Variants in TCF20 observed in about 807,000 individuals in gnomAD.
TCF20 encodes transcription factor 20.
In TCF20, 3 loss-of-function variants were observed where a neutral mutation model predicts 148.6. The ratio of observed to expected loss-of-function variants is 0.02; its 90% confidence interval spans 0.01 to 0.05. The LOEUF (loss-of-function observed/expected upper bound fraction) is 0.05, where lower values mean the gene tolerates loss of function less well. Ranked by LOEUF, TCF20 falls within the 10% of genes least tolerant of loss-of-function variation. TCF20 has a pLI of 1.00. For synonymous variants in TCF20, 1,049 were observed against 909.5 expected (o/e 1.15, Z -2.76); for missense variants, 2,350 against 2,429.3 (o/e 0.97, Z 0.69).
intron 1 of TCF20, among the ~76,000 whole-genome samples, chr22:42,332,754 C>T (rs566271725): frequency 1.5e-3 from 221 of 152,316 alleles, no homozygotes; most frequent in Middle Eastern, 3.4e-3. Context: ...AGGCATGAGC[C>T]ACCGTGCCCC....
chr22:42,272,761 T>C (rs1030702430), upstream of TCF20, among the ~76,000 whole-genome samples: 4 of 152,208 alleles, frequency 2.6e-5, no homozygotes, highest in African/African-American at 9.7e-5. Context: ...AAAAAGAACG[T>C]GTATGGGCAT....
chr22:42,251,891 G>A (rs1185017086), intron 1 of TCF20, among the ~76,000 whole-genome samples: 1 of 151,970 alleles, frequency 6.6e-6, no homozygotes, highest in Non-Finnish European at 1.5e-5. Context: ...TTCAGTATTT[G>A]GGATTATGGC....
In TCF20 at chr22:42,210,704, G is replaced by A; in HGVS notation, c.4602C>T (p.Phe1534=). 2 of 1,614,168 alleles carry A rather than the reference G, an allele frequency of 1.2e-6. No individual in the cohort carries two copies. Among genetic ancestry groups the A allele is most frequent in the Non-Finnish European group, 1.7e-6 (2 of 1,180,040 alleles). ...KQEGFPPKGY[F]PSGKKKGRPI... ...GTCTCCCCTTCTTCTTTCCTGATGGGAAATATCCCTTTGGAGGGAAACCCT... is the reference window on the plus strand; with the variant it reads ...GTCTCCCCTTCTTCTTTCCTGATGGAAAATATCCCTTTGGAGGGAAACCCT... The change falls in exon 2 of 6, where the codon TTC becomes TTT. Residue 1534 remains phenylalanine, a synonymous_variant. Transcript: ENST00000677622. The surrounding 1 kb of genome is among the most constrained non-coding windows in gnomAD (Gnocchi z 4.7).
chr22:42,263,822 C>T (rs1048036936), intron 1 of TCF20, among the ~76,000 whole-genome samples: 12 of 152,118 alleles, frequency 7.9e-5, no homozygotes, highest in African/African-American at 2.9e-4. Context: ...CTTCCTTTTT[C>T]CACTCAAGAG....
intron 1 of TCF20, among the ~76,000 whole-genome samples, chr22:42,242,208 A>AAAAAAAAAAAAAAAAAAAAAAG (rs1924479719): frequency 6.8e-6 from 1 of 146,888 alleles, no homozygotes; most frequent in Non-Finnish European, 1.5e-5. Flanking sequence ...GCCTCAAAAA[A>AAAAAAAAAAAAAAAAAAAAAAG]AAAAAAAAAA....
intron 1 of TCF20, among the ~76,000 whole-genome samples, chr22:42,234,684 G>T (rs902089559): frequency 1.3e-5 from 2 of 152,076 alleles, no homozygotes; most frequent in African/African-American, 4.8e-5. Context: ...TAGTTTGCAG[G>T]ATTATTTCAA....
intron 1 of TCF20, among the ~76,000 whole-genome samples, chr22:42,307,288 T>C (rs752512141): frequency 1.4e-4 from 21 of 152,186 alleles, no homozygotes; most frequent in Non-Finnish European, 2.6e-4. Flanking sequence ...GGGTGGGACC[T>C]TGTCTGGTCA....
intron 2 of TCF20, among the ~76,000 whole-genome samples, chr22:42,195,705 G>A (rs1431766364): frequency 6.6e-6 from 1 of 151,908 alleles, no homozygotes; most frequent in Non-Finnish European, 1.5e-5. Context: ...TCCCCACGTT[G>A]GCCAGGCTAG....
intron 2 of TCF20, among the ~76,000 whole-genome samples, chr22:42,209,174 A>G (rs1347182476): frequency 3.3e-5 from 5 of 152,226 alleles, no homozygotes; most frequent in African/African-American, 4.8e-5. Context: ...TAGGATCTCA[A>G]CATTTTTACA....
intron 1 of TCF20, among the ~76,000 whole-genome samples, chr22:42,222,893 C>T (rs1922506624): frequency 6.6e-6 from 1 of 152,196 alleles, no homozygotes; most frequent in Admixed American, 6.5e-5. Flanking sequence ...TGGCTCACAC[C>T]TGTAATCCCA....
chr22:42,178,940 T>C (rs192895524), intron 3 of TCF20, among the ~76,000 whole-genome samples: 6 of 146,882 alleles, frequency 4.1e-5, no homozygotes, highest in East Asian at 4.0e-4. Context: ...AAATGGCCAA[T>C]AGGCACAAGA....
At chr22:42,222,774 G>A (rs1177723562) in intron 1 of TCF20, among the ~76,000 whole-genome samples, 2 of 152,224 alleles carry the variant, frequency 1.3e-5, no homozygotes, top group Non-Finnish European at 2.9e-5. Context: ...AGCAGAGAAT[G>A]TGTTGGCTTT....
chr22:42,162,620 C>A (rs1223598743), intron 5 of TCF20, among the ~76,000 whole-genome samples: 1 of 152,190 alleles, frequency 6.6e-6, no homozygotes, highest in Non-Finnish European at 1.5e-5. Context: ...GTGGTGGCAG[C>A]CTTGCCCCTC....
chr22:42,234,616 A>C (rs886461701), intron 1 of TCF20, among the ~76,000 whole-genome samples: 1 of 152,192 alleles, frequency 6.6e-6, no homozygotes, highest in African/African-American at 2.4e-5. Context: ...TTAAGTGTCC[A>C]TAAGCTAAAA....
chr22:42,321,534 T>G lies in TCF20; in HGVS notation c.-37+21945A>C, dbSNP rs573626379. On this transcript the variant is annotated intron_variant, in intron 1 of 1. Coordinates refer to the TCF20 transcript ENST00000515426. ...CCTCTCTTCAACAAAATGGACTCCT[T>G]TTTACAATTACCATTATAATTCCCT... is the stretch of plus-strand genomic sequence containing the variant. Among the ~76,000 whole-genome samples, 136 of 151,942 alleles carry G rather than the reference T, an allele frequency of 9.0e-4. 2 individuals carry two copies. Among genetic ancestry groups the G allele is most frequent in the Admixed American group, 1.6e-3 (24 of 15,232 alleles).
intron 1 of TCF20, among the ~76,000 whole-genome samples, chr22:42,314,765 T>C (rs554946275): frequency 1.3e-5 from 2 of 152,262 alleles, no homozygotes; most frequent in African/African-American, 4.8e-5. Context: ...GAATGAACTC[T>C]AGAAACTTCA....
chr22:42,199,995 GATTTCCT>G (rs1354786523), intron 2 of TCF20, among the ~76,000 whole-genome samples: 1 of 151,730 alleles, frequency 6.6e-6, no homozygotes, highest in African/African-American at 2.4e-5. Flanking sequence ...CAGACCTCAT[GATTTCCT>G]ATTTTTCTCT....
At chr22:42,190,541 C>G (rs971209378) in intron 2 of TCF20, among the ~76,000 whole-genome samples, 2 of 152,140 alleles carry the variant, frequency 1.3e-5, no homozygotes, top group Non-Finnish European at 1.5e-5. Context: ...ACTCTCTAGT[C>G]CCATGTGGAA....
intron 2 of TCF20, among the ~76,000 whole-genome samples, chr22:42,183,776 CTTTT>C (rs58819800): frequency 3.6e-5 from 5 of 140,144 alleles, no homozygotes; most frequent in African/African-American, 7.8e-5. Flanking sequence ...CTTTTAGGTT[CTTTT>C]TTTTTTTTTT....
Sources: allele counts gnomAD v4.1 joint callset (sites outside exome capture counted in the v4.1 genomes callset), GRCh38; gene constraint gnomAD v4.1.1; non-coding constraint Gnocchi (gnomAD v3.1); transcripts MANE v1.5; gene names NCBI Gene and HGNC (gene_info 2026-07-23, HGNC 2026-07-21).